EBF3: variants seen among roughly 807,000 people sequenced by gnomAD.
EBF3 encodes EBF transcription factor 3.
Under a neutral mutation model 77.1 loss-of-function variants are expected in EBF3, and 18 were observed. The ratio of observed to expected loss-of-function variants is 0.23; its 90% CI spans 0.16 to 0.35. The LOEUF (loss-of-function observed/expected upper bound fraction) is 0.35. Ranked by LOEUF, EBF3 falls within the 10% of genes least tolerant of loss-of-function variation. EBF3 has a pLI of 1.00. For missense variants in EBF3, 558 were observed against 860.0 expected (o/e 0.65, Z 4.39); for synonymous variants, 350 against 343.5 (o/e 1.02, Z -0.21).
chr10:129,864,247 A>G lies in EBF3; in HGVS notation c.1039+2894T>C, dbSNP rs1851840280. On this transcript the variant is annotated intron_variant, in intron 10 of 16. Transcript: ENST00000440978. This position sits in a 1 kb window ranked among gnomAD's most constrained non-coding sequence, Gnocchi z 4.4. Reference sequence around the variant, plus strand: ...GCTGCCCCCTCCCTGCACCAGCCCCAGAGCAGCAAAAGCAGGGCCCGGCCA... The same window carrying G: ...GCTGCCCCCTCCCTGCACCAGCCCCGGAGCAGCAAAAGCAGGGCCCGGCCA... 6.6e-6 allele frequency among the ~76,000 whole-genome samples: 1 copy of G among 152,182 alleles called. No homozygotes were observed. Among genetic ancestry groups the G allele is most frequent in the Non-Finnish European group, 1.5e-5 (1 of 68,018 alleles).
chr10:129,932,634 C>T (rs998316297), intron 6 of EBF3, among the ~76,000 whole-genome samples: 1 of 152,038 alleles, frequency 6.6e-6, no homozygotes, highest in Non-Finnish European at 1.5e-5. Flanking sequence ...GTGATGCCAT[C>T]CCTGGAAAAA....
intron 6 of EBF3, among the ~76,000 whole-genome samples, chr10:129,925,758 C>CA (rs1478285731): frequency 2.6e-5 from 4 of 151,590 alleles, no homozygotes; most frequent in Non-Finnish European, 4.4e-5. Context: ...AAAATAAAAA[C>CA]AAAAAACATG....
intron 6 of EBF3, among the ~76,000 whole-genome samples, chr10:129,896,576 G>C (rs1001621458): frequency 6.6e-6 from 1 of 152,220 alleles, no homozygotes; most frequent in Non-Finnish European, 1.5e-5. Context: ...CGAGTGGGGG[G>C]CTGGAGTTTG....
In EBF3 at chr10:129,963,115, C is replaced by G; in HGVS notation, c.292-110G>C. 1 of 1,410,988 alleles carries G rather than the reference C, an allele frequency of 7.1e-7. No individual in the cohort carries two copies. The highest frequency in any genetic ancestry group is 1.4e-5 in the African/African-American group (1 of 70,830). The allele number at this position is 1,410,988 out of a possible 1,614,324, so 87.4% of individuals were successfully genotyped here. ...TCTCGGCCTCACACATGGCAGGATT[C>G]CTAGCTCGAAGCAGCGCGGTGATGT... is the stretch of plus-strand genomic sequence containing the variant. On this transcript the variant is annotated intron_variant, in intron 2 of 16. Transcript: ENST00000440978. This position sits in a 1 kb window ranked among gnomAD's most constrained non-coding sequence, Gnocchi z 7.1.
chr10:129,838,701 C>T (rs1249357415), intron 16 of EBF3, among the ~76,000 whole-genome samples: 1 of 152,200 alleles, frequency 6.6e-6, no homozygotes, highest in Non-Finnish European at 1.5e-5. Flanking sequence ...AATCTTTTAC[C>T]GCTGGTGTTG....
At chr10:129,945,402 C>T (rs1858129722) in intron 6 of EBF3, among the ~76,000 whole-genome samples, 1 of 152,138 alleles carries the variant, frequency 6.6e-6, no homozygotes, top group South Asian at 2.1e-4. Flanking sequence ...CCGTTTAAAG[C>T]ATTTGAAGAA....
intron 4 of EBF3, among the ~76,000 whole-genome samples, chr10:129,961,030 G>A (rs1859476040): frequency 6.6e-6 from 1 of 152,156 alleles, no homozygotes; most frequent in Non-Finnish European, 1.5e-5. Flanking sequence ...TACCACTGCA[G>A]GCATTAAAAT....
chr10:129,940,168 C>A (rs1464241480), intron 6 of EBF3, among the ~76,000 whole-genome samples: 1 of 152,226 alleles, frequency 6.6e-6, no homozygotes, highest in East Asian at 1.9e-4. Context: ...TGCTTCCCTG[C>A]ACAGGCATCC....
rs775717501 is a variant in EBF3, at chr10:129,963,379, C to T, written c.279G>A (p.Val93=). ...TGTTTGCACTTACTTTCTCTTTCTC[C>T]ACAAAGTCCACAAAAGCGGTCCTTT... ...EIERTAFVDF[V]EKEKEPNNEK... The change falls in exon 2 of 17, where the codon GTG becomes GTA. Residue 93 remains valine (V), a synonymous_variant. Coordinates refer to ENST00000440978, the MANE Select transcript of EBF3 (RefSeq NM_001375380.1). The surrounding 1 kb of genome is among the most constrained non-coding windows in gnomAD (Gnocchi z 7.1). 3 of 1,585,406 alleles carry T rather than the reference C, an allele frequency of 1.9e-6. No individual in the cohort carries two copies. The highest frequency in any genetic ancestry group is 2.6e-6 in the Non-Finnish European group (3 of 1,166,230).
chr10:129,927,902 G>T (rs1856778959), intron 6 of EBF3, among the ~76,000 whole-genome samples: 1 of 152,116 alleles, frequency 6.6e-6, no homozygotes, highest in African/African-American at 2.4e-5. Flanking sequence ...GTCTCCACAG[G>T]CAAACTCTAT....
At position 129,926,363 on chromosome 10, in the gene EBF3, G is replaced by A. The variant is rs370178066; in HGVS notation, c.554+30895C>T. Among the ~76,000 whole-genome samples, 10 of 152,166 alleles carry A rather than the reference G, an allele frequency of 6.6e-5. No individual in the cohort carries two copies. The East Asian group carries it at 1.9e-3, about 29-fold the overall frequency. On this transcript the variant is annotated intron_variant, in intron 6 of 16. Transcript: ENST00000440978. ...GCAAGGCCTAGAGAGTGATGCACAC[G>A]GCCTGGCTGGTGTGAAGGTGGGGGT...
At chr10:129,934,631 C>T (rs891094565) in intron 6 of EBF3, among the ~76,000 whole-genome samples, 1 of 152,156 alleles carries the variant, frequency 6.6e-6, no homozygotes, top group African/African-American at 2.4e-5. Flanking sequence ...TCTAAGTTCA[C>T]TCCCCCTCAT....
rs1217014828 is a variant in EBF3 at position 129,915,492 on chromosome 10, AC to A, written c.555-37644del. On this transcript the variant is annotated intron_variant, in intron 6 of 16. Transcript: ENST00000440978. ...CACACACACACACACACACACACAC[AC>A]ACACAAAAAAGCCAAGACAAGTTGG... Among the ~76,000 whole-genome samples, 22 of 99,890 alleles carry A rather than the reference AC, an allele frequency of 2.2e-4. No individual in the cohort carries two copies. The East Asian group carries it at 4.4e-3, about 20-fold the overall frequency. The allele number at this position is 99,890 out of a possible 152,430, so 65.5% of individuals were successfully genotyped here. A position where few individuals can be genotyped will look rare whatever the true frequency, so the allele number is the denominator to read the frequency against.
chr10:129,932,261 G>A (rs1456869887), intron 6 of EBF3, among the ~76,000 whole-genome samples: 2 of 152,212 alleles, frequency 1.3e-5, no homozygotes, highest in Non-Finnish European at 2.9e-5. Context: ...AGGCCTTCGT[G>A]GATAACCCAC....
rs2134041713 is a variant in EBF3 at position 129,861,247 on chromosome 10, G to A, written c.1039+5894C>T. 6.6e-6 allele frequency among the ~76,000 whole-genome samples: 1 copy of A among 152,266 alleles called. No homozygotes were observed. Among genetic ancestry groups the A allele is most frequent in the Non-Finnish European group, 1.5e-5 (1 of 68,006 alleles). On this transcript the variant is annotated intron_variant, in intron 10 of 16. Transcript: ENST00000440978. This position sits in a 1 kb window ranked among gnomAD's most constrained non-coding sequence, Gnocchi z 4.3. ...TGCCTAAGGGGCCCTGAGGACCCTT[G>A]AAATGACCCCAGTGATGGCAGTGGG...
chr10:129,847,824 G>A (rs548986226), intron 11 of EBF3, among the ~76,000 whole-genome samples: 2 of 152,280 alleles, frequency 1.3e-5, no homozygotes, highest in African/African-American at 4.8e-5. Flanking sequence ...TAAACAACGC[G>A]GGCAGCTTTT....
At chr10:129,951,881 C>T (rs1003454070) in intron 6 of EBF3, among the ~76,000 whole-genome samples, 8 of 152,358 alleles carry the variant, frequency 5.3e-5, no homozygotes, top group African/African-American at 1.7e-4. Context: ...TCTTCCTTTT[C>T]TGTTTATTTT....
At chr10:129,849,038 C>T (rs1238710092) in intron 10 of EBF3, among the ~76,000 whole-genome samples, 1 of 152,252 alleles carries the variant, frequency 6.6e-6, no homozygotes, top group Non-Finnish European at 1.5e-5. Flanking sequence ...AATCCACCAG[C>T]CTCACGAAAT....
chr10:129,908,273 T>G (rs1855282907), intron 6 of EBF3, among the ~76,000 whole-genome samples: 1 of 152,218 alleles, frequency 6.6e-6, no homozygotes, highest in African/African-American at 2.4e-5. Context: ...AGCTTTCTGT[T>G]TATTGAAGTA....
Sources: allele counts gnomAD v4.1 joint callset (sites outside exome capture counted in the v4.1 genomes callset), GRCh38; gene constraint gnomAD v4.1.1; non-coding constraint Gnocchi (gnomAD v3.1); transcripts MANE v1.5; gene names NCBI Gene and HGNC (gene_info 2026-07-23, HGNC 2026-07-21).